ERC2: variants seen among roughly 807,000 people sequenced by gnomAD.
ERC2 encodes ELKS/RAB6-interacting/CAST family member 2, also known as ERC protein 2.
In ERC2, 42 loss-of-function variants were observed where a neutral mutation model predicts 114.8. That is an observed-to-expected ratio of 0.37 (90% CI 0.29 to 0.47). The LOEUF is 0.47. ERC2 is among the 20% of genes least tolerant of loss of function. The pLI is 0.99. For synonymous variants in ERC2, 454 were observed against 425.5 expected (o/e 1.07, Z -0.82); for missense variants, 939 against 1,150.7 (o/e 0.82, Z 2.66).
intron 14 of ERC2, among the ~76,000 whole-genome samples, chr3:55,835,440 G>A (rs1035783083): frequency 2.6e-4 from 40 of 152,120 alleles, no homozygotes; most frequent in Non-Finnish European, 8.8e-5. Flanking sequence ...ATGCAAGGCT[G>A]GTTCAATATA....
At chr3:55,617,732 G>A (rs1169131001) in intron 17 of ERC2, among the ~76,000 whole-genome samples, 1 of 152,168 alleles carries the variant, frequency 6.6e-6, no homozygotes, top group Non-Finnish European at 1.5e-5. Context: ...AAGGATAAAA[G>A]GGCCCAGAAT....
At chr3:56,014,451 G>C (rs1207440688) in intron 8 of ERC2, among the ~76,000 whole-genome samples, 1 of 152,108 alleles carries the variant, frequency 6.6e-6, no homozygotes, top group Non-Finnish European at 1.5e-5. Context: ...TTAGAGGTCA[G>C]CTAATAAAAA....
chr3:55,912,329 G>C (rs1036416155), intron 13 of ERC2, among the ~76,000 whole-genome samples: 1 of 152,090 alleles, frequency 6.6e-6, no homozygotes, highest in African/African-American at 2.4e-5. Context: ...GTTGCCAACA[G>C]ATATTAAATC....
Position 55,508,673 on chromosome 3 carries a change from C to A in ERC2, c.*2643G>T, listed in dbSNP as rs1476531751. On this transcript the variant is annotated 3_prime_UTR_variant, in exon 18 of 18. Transcript: ENST00000288221. Reference sequence around the variant, plus strand: ...ACAAAAACATTGCAGATAGAGCTTACGTCAACACATCTGAGGTCTCGTCAT... The same window carrying A: ...ACAAAAACATTGCAGATAGAGCTTAAGTCAACACATCTGAGGTCTCGTCAT... 6.6e-6 allele frequency: 1 copy of A among 152,456 alleles called. No individual in the cohort carries two copies. The highest frequency in any genetic ancestry group is 2.4e-5 in the African/African-American group (1 of 41,384). 9.4% of individuals were successfully genotyped at this position (152,456 alleles called of 1,614,324 possible). A position where few individuals can be genotyped will look rare whatever the true frequency, so the allele number is the denominator to read the frequency against.
rs571762852 is a variant in ERC2, at chr3:55,555,001, A to G, written c.*40-43725T>C. 2.0e-5 allele frequency among the ~76,000 whole-genome samples: 3 copies of G among 152,292 alleles called. No homozygotes were observed. In the East Asian group the frequency reaches 5.8e-4, roughly 29 times the overall value. Reference sequence around the variant, plus strand: ...CTGGCTCTCAGACAGAAACTTCACCAGCGATTCTGAGGATCCCATTTCCCA... The same window carrying G: ...CTGGCTCTCAGACAGAAACTTCACCGGCGATTCTGAGGATCCCATTTCCCA... On this transcript the variant is annotated intron_variant, in intron 17 of 17. Transcript: ENST00000288221.
chr3:56,060,505 G>C lies in ERC2; in HGVS notation c.1641+20312C>G, dbSNP rs531584760. ...ACTTATCATCATTTTTAGACAGGTTGACCATTTGGGCAATCATACACATTC... is the reference window on the plus strand; with the variant it reads ...ACTTATCATCATTTTTAGACAGGTTCACCATTTGGGCAATCATACACATTC... On this transcript the variant is annotated intron_variant, in intron 7 of 17. Transcript: ENST00000288221. Among the ~76,000 whole-genome samples the C allele has an allele frequency of 1.1e-4, 16 of 152,330 alleles. No homozygotes were observed. In the South Asian group the frequency reaches 3.3e-3, roughly 32 times the overall value.
At chr3:55,548,640 T>C (rs2054927618) in intron 17 of ERC2, among the ~76,000 whole-genome samples, 1 of 152,220 alleles carries the variant, frequency 6.6e-6, no homozygotes. Context: ...CCAAATTCTC[T>C]GTCTACCCCA....
chr3:55,927,296 G>A (rs932194581), intron 13 of ERC2, among the ~76,000 whole-genome samples: 3 of 152,290 alleles, frequency 2.0e-5, no homozygotes, highest in East Asian at 3.9e-4. Context: ...GCAAAGGTAA[G>A]CAGAATCTCA....
chr3:55,602,669 C>A (rs2058458642), intron 17 of ERC2, among the ~76,000 whole-genome samples: 1 of 152,064 alleles, frequency 6.6e-6, no homozygotes, highest in Non-Finnish European at 1.5e-5. Context: ...TGCCAGCTCC[C>A]CGGGGACATT....
chr3:55,690,147 G>A (rs1239374784), intron 16 of ERC2, among the ~76,000 whole-genome samples: 5 of 152,238 alleles, frequency 3.3e-5, no homozygotes, highest in East Asian at 1.9e-4. Context: ...GCCCAAATCC[G>A]AATTTTTAAA....
intron 17 of ERC2, among the ~76,000 whole-genome samples, chr3:55,585,766 T>C (rs1318418911): frequency 6.6e-6 from 1 of 152,152 alleles, no homozygotes; most frequent in African/African-American, 2.4e-5. Context: ...GTCCTTCCTT[T>C]GCAGCCATGT....
intron 3 of ERC2, among the ~76,000 whole-genome samples, chr3:56,218,620 C>G (rs2049671174): frequency 6.6e-6 from 1 of 152,156 alleles, no homozygotes; most frequent in Non-Finnish European, 1.5e-5. Flanking sequence ...TACCATTTGA[C>G]CCAGCCATCC....
chr3:55,650,923 T>C (rs1316041200), intron 17 of ERC2, among the ~76,000 whole-genome samples: 1 of 151,406 alleles, frequency 6.6e-6, no homozygotes, highest in Admixed American at 6.6e-5. Context: ...CTCAGCTCAC[T>C]GCAACCTTCA....
rs1414360030 is a variant in ERC2 at position 55,556,373 on chromosome 3, G to A, written c.*40-45097C>T. ...AGTCACGTTACTGCCTGCTAGGCAC[G>A]GGGTTTTGCTCCACAGCCCCCATTC... On this transcript the variant is annotated intron_variant, in intron 17 of 17. Coordinates refer to ENST00000288221, the MANE Select transcript of ERC2 (RefSeq NM_015576.3). 2.6e-5 allele frequency among the ~76,000 whole-genome samples: 4 copies of A among 152,144 alleles called. 1 individual carries two copies. Among genetic ancestry groups the A allele is most frequent in the South Asian group, 4.1e-4 (2 of 4,822 alleles).
chr3:56,214,120 G>A (rs936174879), intron 3 of ERC2, among the ~76,000 whole-genome samples: 1 of 152,234 alleles, frequency 6.6e-6, no homozygotes, highest in African/African-American at 2.4e-5. Context: ...AAGGAATGCA[G>A]CAACGGAACA....
chr3:56,091,653 CA>C (rs1039868607), intron 6 of ERC2, among the ~76,000 whole-genome samples: 1 of 152,152 alleles, frequency 6.6e-6, no homozygotes, highest in African/African-American at 2.4e-5. Context: ...ACCAAATTAA[CA>C]AAAATGTGTA....
chr3:56,306,576 G>A (rs903390586), intron 2 of ERC2, among the ~76,000 whole-genome samples: 2 of 152,134 alleles, frequency 1.3e-5, no homozygotes, highest in Admixed American at 1.3e-4. Context: ...AATAGAAACT[G>A]AGAAGCACTC....
intron 17 of ERC2, among the ~76,000 whole-genome samples, chr3:55,557,462 G>A (rs1032999989): frequency 1.6e-4 from 24 of 152,214 alleles, no homozygotes; most frequent in African/African-American, 5.5e-4. Context: ...GGGTTGCTGA[G>A]GGAAGGGTTT....
intron 15 of ERC2, among the ~76,000 whole-genome samples, chr3:55,714,471 G>A (rs1159342273): frequency 6.6e-6 from 1 of 151,796 alleles, no homozygotes; most frequent in African/African-American, 2.4e-5. Context: ...TTCCTATAAT[G>A]AAATATTCAG....
Sources: allele counts gnomAD v4.1 joint callset (sites outside exome capture counted in the v4.1 genomes callset), GRCh38; gene constraint gnomAD v4.1.1; transcripts MANE v1.5; gene names NCBI Gene and HGNC (gene_info 2026-07-23, HGNC 2026-07-21).